The following DNER variants were observed in gnomAD, a reference collection of about 807,000 sequenced individuals.
The protein encoded by DNER is delta/notch like EGF repeat containing, also known as delta and Notch-like epidermal growth factor-related receptor.
In DNER, 33 loss-of-function variants were observed where a neutral mutation model predicts 78.2. The ratio of observed to expected loss-of-function variants is 0.42; its 90% CI spans 0.32 to 0.56. The LOEUF is 0.56. Among genes scored for constraint, DNER ranks in the 20% least tolerant of loss-of-function variants. The pLI is 0.11. For missense variants in DNER, 918 were observed against 975.3 expected (o/e 0.94, Z 0.78); for synonymous variants, 417 against 384.8 (o/e 1.08, Z -0.98).
chr2:229,556,686 C>T (rs989906264), intron 4 of DNER, among the ~76,000 whole-genome samples: 14 of 152,180 alleles, frequency 9.2e-5, no homozygotes, highest in Non-Finnish European at 1.6e-4. Context: ...TTCTTAGAGA[C>T]AACTCTGAAA....
intron 1 of DNER, among the ~76,000 whole-genome samples, chr2:229,683,492 T>C (rs548576828): frequency 8.5e-5 from 13 of 152,302 alleles, no homozygotes; most frequent in African/African-American, 3.1e-4. Flanking sequence ...AGGCTGGTTT[T>C]AAAATTTGTT....
At chr2:229,555,526 T>C (rs1165381085) in intron 4 of DNER, among the ~76,000 whole-genome samples, 1 of 152,218 alleles carries the variant, frequency 6.6e-6, no homozygotes, top group Non-Finnish European at 1.5e-5. Context: ...CATGTCCATC[T>C]GTGCTCAGGC....
At chr2:229,387,493 A>AAGAG (rs1386341357) in intron 11 of DNER, among the ~76,000 whole-genome samples, 2 of 106,162 alleles carry the variant, frequency 1.9e-5, no homozygotes, top group South Asian at 6.8e-4. Flanking sequence ...AAAAGAAAGA[A>AAGAG]AGAAAGAAAG....
chr2:229,376,305 C>G (rs1482918260), intron 11 of DNER, among the ~76,000 whole-genome samples: 1 of 152,086 alleles, frequency 6.6e-6, no homozygotes, highest in Non-Finnish European at 1.5e-5. Flanking sequence ...CCCAAGAGAG[C>G]CACCTTGCCC....
At chr2:229,376,303 A>G (rs1692599451) in intron 11 of DNER, among the ~76,000 whole-genome samples, 1 of 152,064 alleles carries the variant, frequency 6.6e-6, no homozygotes, top group Admixed American at 6.6e-5. Flanking sequence ...GGCCCAAGAG[A>G]GCCACCTTGC....
At position 229,593,902 on chromosome 2, in the gene DNER, C is replaced by T. The variant is rs572655321; in HGVS notation, c.277-2014G>A. Among the ~76,000 whole-genome samples, 11 of 152,290 alleles carry T rather than the reference C, an allele frequency of 7.2e-5. No individual in the cohort carries two copies. In the South Asian group the frequency reaches 1.0e-3, roughly 14 times the overall value. On this transcript the variant is annotated intron_variant, in intron 1 of 12. Transcript: ENST00000341772. ...TAAAAAGGCAGAAATACATTTAAAC[C>T]ACAAGGGATCAATACAAAAATTAAT... is the stretch of plus-strand genomic sequence containing the variant.
chr2:229,481,368 A>T (rs760647217), intron 6 of DNER, among the ~76,000 whole-genome samples: 17 of 152,198 alleles, frequency 1.1e-4, no homozygotes, highest in Non-Finnish European at 1.6e-4. Flanking sequence ...AAGTGAAGAC[A>T]GTTCTGGAAG....
intron 10 of DNER, among the ~76,000 whole-genome samples, chr2:229,398,542 T>C (rs1693199473): frequency 6.6e-6 from 1 of 152,074 alleles, no homozygotes. Flanking sequence ...AAATACATAA[T>C]AACTTTTTTA....
At chr2:229,694,630 G>A (rs1297187088) in intron 1 of DNER, among the ~76,000 whole-genome samples, 2 of 152,192 alleles carry the variant, frequency 1.3e-5, no homozygotes, top group African/African-American at 4.8e-5. Context: ...TTGCCCTATT[G>A]GATTTTAGAC....
intron 11 of DNER, among the ~76,000 whole-genome samples, chr2:229,387,441 G>A (rs184624728): frequency 2.8e-4 from 42 of 150,130 alleles, no homozygotes; most frequent in African/African-American, 9.1e-4. Flanking sequence ...AAACCTGCAC[G>A]TTCTGCACAT....
intron 8 of DNER, among the ~76,000 whole-genome samples, chr2:229,441,439 G>A (rs186554365): frequency 9.9e-5 from 15 of 152,234 alleles, no homozygotes; most frequent in Non-Finnish European, 1.5e-4. Flanking sequence ...CATGGGAATC[G>A]TGGAGTGTCT....
intron 8 of DNER, among the ~76,000 whole-genome samples, chr2:229,431,166 A>G (rs956231041): frequency 7.9e-5 from 12 of 152,230 alleles, no homozygotes; most frequent in African/African-American, 2.9e-4. Context: ...TTAAATATAC[A>G]GTAAAAACCA....
intron 1 of DNER, among the ~76,000 whole-genome samples, chr2:229,601,352 G>C (rs1259706165): frequency 6.6e-6 from 1 of 152,114 alleles, no homozygotes; most frequent in African/African-American, 2.4e-5. Flanking sequence ...AATCACTATA[G>C]TGCTTATGCC....
In DNER at chr2:229,708,519, C is replaced by A. The variant is rs188219590; in HGVS notation, c.276+5629G>T. ...TGTCGGGTTTTCTGTTTGGTGGGGG[C>A]AGGATTCTGCAGTCACTGCCTCTGG... On this transcript the variant is annotated intron_variant, in intron 1 of 12. Coordinates refer to ENST00000341772, the MANE Select transcript of DNER (RefSeq NM_139072.4). 5.9e-5 allele frequency among the ~76,000 whole-genome samples: 9 copies of A among 152,282 alleles called. No homozygotes were observed. The East Asian group carries it at 1.7e-3, about 29-fold the overall frequency.
intron 8 of DNER, among the ~76,000 whole-genome samples, chr2:229,443,524 TTTA>T (rs1694280513): frequency 6.6e-6 from 1 of 152,216 alleles, no homozygotes; most frequent in African/African-American, 2.4e-5. Context: ...GTGCTGACAT[TTTA>T]TTATTTAATC....
At chr2:229,418,683 AC>A (rs1442800070) in intron 8 of DNER, among the ~76,000 whole-genome samples, 2 of 152,110 alleles carry the variant, frequency 1.3e-5, no homozygotes, top group African/African-American at 4.8e-5. Flanking sequence ...ACTTTGGGAT[AC>A]CGAGGCAGGT....
intron 1 of DNER, among the ~76,000 whole-genome samples, chr2:229,623,219 G>A (rs534359463): frequency 4.6e-5 from 7 of 152,102 alleles, no homozygotes; most frequent in Admixed American, 6.5e-5. Flanking sequence ...CACCGCTTTC[G>A]ATGAAGTCTC....
chr2:229,526,963 A>G (rs1056336748), intron 5 of DNER, among the ~76,000 whole-genome samples: 4 of 152,202 alleles, frequency 2.6e-5, no homozygotes, highest in Non-Finnish European at 4.4e-5. Context: ...GCCTTGCAAT[A>G]TGGCTGCCAT....
chr2:229,510,643 A>G (rs1695847846), intron 6 of DNER, among the ~76,000 whole-genome samples: 1 of 152,172 alleles, frequency 6.6e-6, no homozygotes. Context: ...AAATGGATGG[A>G]ACGCTGGAAG....
Sources: allele counts gnomAD v4.1 joint callset (sites outside exome capture counted in the v4.1 genomes callset), GRCh38; gene constraint gnomAD v4.1.1; transcripts MANE v1.5; gene names NCBI Gene and HGNC (gene_info 2026-07-23, HGNC 2026-07-21).